The following ZFHX3 variants were observed in gnomAD, a reference collection of about 807,000 sequenced individuals.
The protein encoded by ZFHX3 is zinc finger homeobox 3.
In ZFHX3, 42 loss-of-function variants were observed where a neutral mutation model predicts 279.1. That is an observed-to-expected ratio of 0.15 (90% CI 0.12 to 0.19). The LOEUF (loss-of-function observed/expected upper bound fraction) is 0.19. ZFHX3 is among the 10% of genes least tolerant of loss of function. The pLI is 1.00. For missense variants in ZFHX3, 4,981 were observed against 4,754.0 expected (o/e 1.05, Z -1.40); for synonymous variants, 2,293 against 1,957.8 (o/e 1.17, Z -4.52).
At chr16:73,212,501 C>T (rs1220681767) in intron 5 of ZFHX3, among the ~76,000 whole-genome samples, 3 of 152,198 alleles carry the variant, frequency 2.0e-5, no homozygotes, top group Non-Finnish European at 2.9e-5. Flanking sequence ...CTATCATAAA[C>T]AATCCTGCTG....
intron 1 of ZFHX3, among the ~76,000 whole-genome samples, chr16:73,717,721 A>G (rs1326824714): frequency 6.6e-6 from 1 of 152,182 alleles, no homozygotes; most frequent in East Asian, 1.9e-4. Context: ...TTTGAGGCTT[A>G]GAAGACTTAA....
intron 4 of ZFHX3, among the ~76,000 whole-genome samples, chr16:72,871,408 C>A (rs1448001425): frequency 1.3e-5 from 2 of 149,574 alleles, no homozygotes; most frequent in Non-Finnish European, 2.9e-5. Flanking sequence ...ATGGTGCAAT[C>A]TTGGCTCACT....
At chr16:72,865,023 T>C (rs1285649616) in intron 4 of ZFHX3, among the ~76,000 whole-genome samples, 2 of 152,234 alleles carry the variant, frequency 1.3e-5, no homozygotes, top group Admixed American at 1.3e-4. Context: ...CCAATGAGGC[T>C]ATTTTAAAAA....
At chr16:73,433,989 TGGGAGGGGG>T (rs1166807438) in intron 3 of ZFHX3, among the ~76,000 whole-genome samples, 1 of 152,186 alleles carries the variant, frequency 6.6e-6, no homozygotes, top group Non-Finnish European at 1.5e-5. Flanking sequence ...GTGTCCCTTC[TGGGAGGGGG>T]GCGAGCTGGA....
At chr16:73,498,597 C>A (rs1597359137) in intron 2 of ZFHX3, among the ~76,000 whole-genome samples, 2 of 152,312 alleles carry the variant, frequency 1.3e-5, no homozygotes, top group Admixed American at 1.3e-4. Flanking sequence ...TGGAATTTGG[C>A]AATCATTGTG....
intron 5 of ZFHX3, 131 bp downstream of exon 5, chr16:72,829,648 C>G: frequency 2.1e-6 from 2 of 948,472 alleles, no homozygotes; most frequent in East Asian, 4.8e-5. Context: ...TCCCACTCAT[C>G]CTTTTTCTGG....
intron 2 of ZFHX3, among the ~76,000 whole-genome samples, chr16:73,481,328 CAAA>C (rs71374570): frequency 7.2e-6 from 1 of 138,998 alleles, no homozygotes. Context: ...GACTCCATCT[CAAA>C]AAAAAAAAAA....
At chr16:73,456,721 G>T (rs1048680383) in intron 2 of ZFHX3, among the ~76,000 whole-genome samples, 5 of 152,260 alleles carry the variant, frequency 3.3e-5, no homozygotes, top group South Asian at 2.1e-4. Flanking sequence ...CCGCTCCAAG[G>T]CCTGGAGAGT....
chr16:73,871,195 A>G (rs1266797151), intron 1 of ZFHX3, among the ~76,000 whole-genome samples: 1 of 152,232 alleles, frequency 6.6e-6, no homozygotes, highest in Non-Finnish European at 1.5e-5. Context: ...ACTGGATTTT[A>G]GCCCTCATGT....
At chr16:73,835,987 A>G (rs1332150662) in intron 1 of ZFHX3, among the ~76,000 whole-genome samples, 1 of 152,192 alleles carries the variant, frequency 6.6e-6, no homozygotes, top group East Asian at 1.9e-4. Context: ...GGAAATGAAA[A>G]GAATTATACT....
At chr16:73,075,088 G>A (rs1266172922) in intron 8 of ZFHX3, among the ~76,000 whole-genome samples, 1 of 152,168 alleles carries the variant, frequency 6.6e-6, no homozygotes, top group Non-Finnish European at 1.5e-5. Flanking sequence ...GATTACACGT[G>A]TGAGCTAGTG....
chr16:73,395,115 G>C (rs913356393), intron 3 of ZFHX3, among the ~76,000 whole-genome samples: 5 of 152,170 alleles, frequency 3.3e-5, no homozygotes, highest in Admixed American at 1.3e-4. Context: ...TCTCTAGAGG[G>C]GAGATGTCAG....
chr16:72,901,962 G>A (rs1232701577), intron 3 of ZFHX3, among the ~76,000 whole-genome samples: 1 of 152,154 alleles, frequency 6.6e-6, no homozygotes, highest in Non-Finnish European at 1.5e-5. Flanking sequence ...TCCGCCTCAA[G>A]ATGGAGAGCT....
At chr16:72,834,980 C>T (rs1228466788) in intron 4 of ZFHX3, among the ~76,000 whole-genome samples, 1 of 152,144 alleles carries the variant, frequency 6.6e-6, no homozygotes, top group Non-Finnish European at 1.5e-5. Flanking sequence ...TTCAAACCTT[C>T]CCCAAACCTG....
chr16:72,986,691 A>T (rs1962860907), intron 1 of ZFHX3, among the ~76,000 whole-genome samples: 1 of 152,206 alleles, frequency 6.6e-6, no homozygotes, highest in Non-Finnish European at 1.5e-5. Context: ...CAATGCAGAC[A>T]TATTTTTCAA....
At position 72,795,311 on chromosome 16, in the gene ZFHX3, T is replaced by TTGC; in HGVS notation, c.7368_7370dup (p.Gln2457dup). On this transcript the variant is annotated inframe_insertion, in exon 9 of 10. Transcript: ENST00000268489. ...TGTTGGTCTTCTGCTCGGGCTGCTCTTGCTGCTGCAGCTCTGGCTTTGGTT... is the reference window on the plus strand; with the variant it reads ...TGTTGGTCTTCTGCTCGGGCTGCTCTTGCTGCTGCTGCAGCTCTGGCTTTGGTT... 6.2e-7 allele frequency: 1 copy of TTGC among 1,614,086 alleles called. No homozygotes were observed. Among genetic ancestry groups the TTGC allele is most frequent in the Non-Finnish European group, 8.5e-7 (1 of 1,180,016 alleles).
intron 1 of ZFHX3, among the ~76,000 whole-genome samples, chr16:73,809,944 T>C (rs1960383062): frequency 6.6e-6 from 1 of 152,142 alleles, no homozygotes; most frequent in South Asian, 2.1e-4. Context: ...TTGGTAGCAG[T>C]TCAAGGGAAT....
chr16:72,893,992 T>C (rs2038833867), intron 3 of ZFHX3, among the ~76,000 whole-genome samples: 1 of 151,830 alleles, frequency 6.6e-6, no homozygotes, highest in African/African-American at 2.4e-5. Flanking sequence ...TCTATAAAAA[T>C]ACAAAAATTA....
chr16:73,353,556 A>G (rs1018634661), intron 3 of ZFHX3, among the ~76,000 whole-genome samples: 1 of 152,220 alleles, frequency 6.6e-6, no homozygotes, highest in Non-Finnish European at 1.5e-5. Flanking sequence ...CATCTGAGGA[A>G]ACGAAGGCAC....
Sources: allele counts gnomAD v4.1 joint callset (sites outside exome capture counted in the v4.1 genomes callset), GRCh38; gene constraint gnomAD v4.1.1; transcripts MANE v1.5; gene names NCBI Gene and HGNC (gene_info 2026-07-23, HGNC 2026-07-21).